The following CDH13 variants were observed in gnomAD, a reference collection of about 807,000 sequenced individuals.
The protein encoded by CDH13 is cadherin 13.
A neutral mutation model predicts 63.8 loss-of-function variants in CDH13; 24 were observed. The observed-to-expected ratio is 0.38, with a 90% confidence interval of 0.27 to 0.53. The LOEUF is 0.53. CDH13 is among the 20% of genes least tolerant of loss of function. The pLI is 0.85. For missense variants in CDH13, 1,049 were observed against 903.1 expected (o/e 1.16, Z -2.07); for synonymous variants, 503 against 355.3 (o/e 1.42, Z -4.67).
At chr16:82,977,561 C>A (rs1281295098) in intron 2 of CDH13, among the ~76,000 whole-genome samples, 1 of 152,106 alleles carries the variant, frequency 6.6e-6, no homozygotes, top group Non-Finnish European at 1.5e-5. Flanking sequence ...TGAAGAAGGA[C>A]ATGTTTGTTT....
At chr16:82,897,343 A>G (rs1473843168) in intron 2 of CDH13, among the ~76,000 whole-genome samples, 2 of 152,212 alleles carry the variant, frequency 1.3e-5, no homozygotes, top group East Asian at 3.9e-4. Flanking sequence ...CATGGCCACC[A>G]CAGAGATGTA....
intron 1 of CDH13, among the ~76,000 whole-genome samples, chr16:82,635,272 A>T (rs527977965): frequency 1.3e-5 from 2 of 152,380 alleles, no homozygotes; most frequent in South Asian, 4.1e-4. Context: ...GAGGCAGATG[A>T]AGGATCTGGG....
At chr16:83,601,268 ACCTACTACC>A (rs999193068) in intron 7 of CDH13, among the ~76,000 whole-genome samples, 11 of 152,094 alleles carry the variant, frequency 7.2e-5, no homozygotes, top group African/African-American at 2.7e-4. Flanking sequence ...TCAAGCAGAA[ACCTACTACC>A]AAAGATAATT....
chr16:82,898,139 A>G (rs1302518201), intron 2 of CDH13, among the ~76,000 whole-genome samples: 1 of 152,246 alleles, frequency 6.6e-6, no homozygotes, highest in Non-Finnish European at 1.5e-5. Flanking sequence ...TTAAAATGAT[A>G]GTTTTTGGTC....
At chr16:82,856,434 GC>G (rs1180596894) in intron 1 of CDH13, among the ~76,000 whole-genome samples, 4 of 150,136 alleles carry the variant, frequency 2.7e-5, no homozygotes, top group Middle Eastern at 6.9e-3. Context: ...GGGTGCAGTG[GC>G]TCACGCCTGT....
At chr16:82,645,521 G>A (rs987258458) in intron 1 of CDH13, among the ~76,000 whole-genome samples, 1 of 152,026 alleles carries the variant, frequency 6.6e-6, no homozygotes, top group African/African-American at 2.4e-5. Flanking sequence ...GCAGAGCTCA[G>A]GGATGCTGTT....
intron 5 of CDH13, among the ~76,000 whole-genome samples, chr16:83,292,933 A>G (rs2089499199): frequency 1.1e-4 from 17 of 152,206 alleles, no homozygotes; most frequent in Admixed American, 1.1e-3. Context: ...TTGGGTAATT[A>G]TATCAAATAC....
chr16:83,102,884 A>G (rs1177919664), intron 3 of CDH13, among the ~76,000 whole-genome samples: 3 of 147,260 alleles, frequency 2.0e-5, no homozygotes, highest in Non-Finnish European at 4.5e-5. Context: ...GAGACAGTGA[A>G]TAAAATTCCT....
At chr16:83,107,226 A>G (rs985474351) in intron 3 of CDH13, among the ~76,000 whole-genome samples, 3 of 152,182 alleles carry the variant, frequency 2.0e-5, no homozygotes, top group African/African-American at 7.2e-5. Context: ...CAGGTAGCTA[A>G]GAGTCCCGTT....
intron 6 of CDH13, among the ~76,000 whole-genome samples, chr16:83,399,608 C>G (rs9936939): frequency 1.3e-5 from 2 of 152,120 alleles, no homozygotes; most frequent in African/African-American, 4.8e-5. Flanking sequence ...TCACTCGTAA[C>G]CAGTAGAATG....
chr16:83,494,451 C>T (rs1345671987), intron 7 of CDH13, among the ~76,000 whole-genome samples: 1 of 152,138 alleles, frequency 6.6e-6, no homozygotes, highest in Non-Finnish European at 1.5e-5. Context: ...GAAAGAGGTA[C>T]CTTCTAATTT....
At chr16:82,747,385 C>T (rs560135829) in intron 1 of CDH13, among the ~76,000 whole-genome samples, 43 of 152,280 alleles carry the variant, frequency 2.8e-4, no homozygotes, top group African/African-American at 8.9e-4. Context: ...ATTCAGGTAG[C>T]TTTCCTTTCT....
chr16:83,771,160 C>T (rs433325), intron 11 of CDH13, among the ~76,000 whole-genome samples: 102,022 of 151,944 alleles, frequency 0.67, 34,602 homozygotes, highest in Admixed American at 0.71. Context: ...GATTCCTCTA[C>T]GTAAATCTTC....
At position 82,814,221 on chromosome 16, in the gene CDH13, G is replaced by T. The variant is rs184803988; in HGVS notation, c.46-44141G>T. On this transcript the variant is annotated intron_variant, in intron 1 of 13. Transcript: ENST00000567109. ...ATCTAAGAGCTTTGTAATTTCCTGA[G>T]TGACGGGAACATCTGACACAGAGCT... Among the ~76,000 whole-genome samples, 586 of 152,274 alleles carry T rather than the reference G, an allele frequency of 3.8e-3. 1 individual carries two copies. The highest frequency in any genetic ancestry group is 0.027 in the Middle Eastern group (8 of 294).
At chr16:82,719,903 T>C (rs769919802) in intron 1 of CDH13, among the ~76,000 whole-genome samples, 14 of 150,628 alleles carry the variant, frequency 9.3e-5, no homozygotes, top group Non-Finnish European at 2.1e-4. Flanking sequence ...CTTAACTTCA[T>C]TGCTAGGTTC....
chr16:83,527,756 AG>A (rs1210819641), intron 7 of CDH13, among the ~76,000 whole-genome samples: 1 of 152,248 alleles, frequency 6.6e-6, no homozygotes, highest in African/African-American at 2.4e-5. Context: ...TATAAATGCC[AG>A]CACCTATTAC....
chr16:82,832,275 C>T (rs1028744321), intron 1 of CDH13, among the ~76,000 whole-genome samples: 9 of 152,072 alleles, frequency 5.9e-5, no homozygotes, highest in African/African-American at 2.2e-4. Context: ...GAATATTAAC[C>T]ATTAATTATG....
chr16:83,553,358 C>T (rs1037415463), intron 7 of CDH13, among the ~76,000 whole-genome samples: 1 of 152,148 alleles, frequency 6.6e-6, no homozygotes, highest in African/African-American at 2.4e-5. Context: ...TTATAAAATT[C>T]ACATCTGTAA....
In CDH13 at chr16:83,365,794, G is replaced by T. The variant is rs570624079; in HGVS notation, c.781+20788G>T. On this transcript the variant is annotated intron_variant, in intron 6 of 13. Transcript: ENST00000567109. ...AGGGTTGCCAATTCTGAGATCCTGA[G>T]GATTCAACCTGCTGCTGGCTTGCAG... Among the ~76,000 whole-genome samples, 5 of 152,132 alleles carry T rather than the reference G, an allele frequency of 3.3e-5. 1 individual carries two copies.
Sources: gnomAD v4.1 joint callset for allele counts (sites outside exome capture counted in the v4.1 genomes callset) on GRCh38, gnomAD v4.1.1 for gene constraint, MANE v1.5 for transcripts, NCBI Gene and HGNC (gene_info 2026-07-23, HGNC 2026-07-21) for gene names.